The following ESF1 variants were observed in gnomAD, a reference collection of about 807,000 sequenced individuals.
ESF1 encodes the protein ESF1 homolog.
ESF1 carries 58 observed loss-of-function variants against 92.0 expected under a neutral mutation model. The observed-to-expected ratio is 0.63, with a 90% CI of 0.51 to 0.78. ESF1 has a LOEUF of 0.78. Among genes scored for constraint, ESF1 ranks in the 30% least tolerant of loss-of-function variants. The pLI is 0.00. For synonymous variants in ESF1, 321 were observed against 313.7 expected, an observed-to-expected ratio of 1.02 and a Z score of -0.24; for missense variants, 922 against 989.1, an observed-to-expected ratio of 0.93 and a Z score of 0.91.
chr20:13,731,355 C>A (rs2049941234), intron 10 of ESF1, among the ~76,000 whole-genome samples: 1 of 151,766 alleles, frequency 6.6e-6, no homozygotes. Context: ...CATGGTGAAA[C>A]CCCGCCTCTA....
At chr20:13,728,924 T>G (rs1268517649) in intron 10 of ESF1, among the ~76,000 whole-genome samples, 2 of 152,004 alleles carry the variant, frequency 1.3e-5, no homozygotes, top group African/African-American at 4.8e-5. Flanking sequence ...TGGACCAGTT[T>G]ATAAAACAAC....
intron 8 of ESF1, among the ~76,000 whole-genome samples, chr20:13,760,587 C>T (rs928364830): frequency 6.8e-6 from 1 of 147,196 alleles, no homozygotes; most frequent in Non-Finnish European, 1.5e-5. Flanking sequence ...AGTGAGGAGC[C>T]CCTCCGCCCG....
intron 9 of ESF1, among the ~76,000 whole-genome samples, chr20:13,751,567 G>C (rs6042346): frequency 0.98 from 148,660 of 152,278 alleles, 72,646 homozygotes; most frequent in East Asian, 1. Flanking sequence ...ATCCTGTGCA[G>C]GGATGTGGGG....
chr20:13,759,324 A>C (rs1270504023), intron 9 of ESF1, among the ~76,000 whole-genome samples: 1 of 152,246 alleles, frequency 6.6e-6, no homozygotes, highest in African/African-American at 2.4e-5. Flanking sequence ...GTGAAACCTC[A>C]TGAATTAAGG....
intron 9 of ESF1, among the ~76,000 whole-genome samples, chr20:13,756,184 T>C (rs1978884987): frequency 2.0e-5 from 3 of 152,320 alleles, no homozygotes; most frequent in African/African-American, 7.2e-5. Context: ...AGTTCCAATT[T>C]CCATATGAAT....
rs1369904891 is a variant in ESF1 at position 13,782,579 on chromosome 20, A to G, written c.562T>C (p.Leu188=). 6.3e-7 allele frequency: 1 copy of G among 1,590,912 alleles called. No individual in the cohort carries two copies. The highest frequency in any genetic ancestry group is 8.5e-7 in the Non-Finnish European group (1 of 1,174,446). Residue 188 remains leucine (L), a synonymous_variant, in exon 2 of 14, where the codon TTA becomes CTA. Transcript: ENST00000617257. ...DSSLEEKQRT[L]DSGTSEIVKS... is the part of the protein sequence containing the mutation. ...ACAATTTCAGAGGTGCCTGAGTCTA[A>G]TGTCCTTTGTTTTTCTTCGAGAGAA...
intron 2 of ESF1, among the ~76,000 whole-genome samples, chr20:13,780,550 C>T (rs1980134718): frequency 6.6e-6 from 1 of 152,220 alleles, no homozygotes; most frequent in Non-Finnish European, 1.5e-5. Flanking sequence ...ATCCAGAATT[C>T]ACTCCACTGC....
chr20:13,721,126 A>T (rs1568708130), intron 11 of ESF1, among the ~76,000 whole-genome samples: 1 of 151,538 alleles, frequency 6.6e-6, no homozygotes, highest in Non-Finnish European at 1.5e-5. Context: ...CTGTCTCGAT[A>T]AAAAAAAAGA....
At chr20:13,718,152 C>A (rs576735200) in intron 12 of ESF1, among the ~76,000 whole-genome samples, 3 of 152,170 alleles carry the variant, frequency 2.0e-5, no homozygotes, top group Non-Finnish European at 4.4e-5. Flanking sequence ...AGTATGCTCT[C>A]GACCTTTGTG....
intron 9 of ESF1, among the ~76,000 whole-genome samples, chr20:13,752,488 CA>C (rs1978684108): frequency 1.3e-5 from 2 of 151,588 alleles, no homozygotes; most frequent in South Asian, 2.1e-4. Flanking sequence ...AAGTTCTGGC[CA>C]AAAAAAATTT....
At chr20:13,744,153 T>C (rs2050033221) in intron 9 of ESF1, among the ~76,000 whole-genome samples, 1 of 152,212 alleles carries the variant, frequency 6.6e-6, no homozygotes, top group South Asian at 2.1e-4. Context: ...CTATAGATTA[T>C]GATTACTCCA....
intron 2 of ESF1, 123 bp from the exon 3 acceptor site, chr20:13,776,393 T>C (rs1467507218): frequency 7.7e-6 from 7 of 912,422 alleles, no homozygotes; most frequent in Non-Finnish European, 1.1e-5. Flanking sequence ...TAAAGACAAA[T>C]ATATATTCAG....
At position 13,718,898 on chromosome 20, in the gene ESF1, C is replaced by T. The variant is rs372993905; in HGVS notation, c.2115+10G>A. 125 of 1,585,582 alleles carry T rather than the reference C, an allele frequency of 7.9e-5. No individual in the cohort carries two copies. The highest frequency in any genetic ancestry group is 9.9e-5 in the Non-Finnish European group (115 of 1,164,302). On this transcript the variant is annotated intron_variant, in intron 12 of 13. Transcript: ENST00000617257. ...TATCCACTAAGCATGTAACAATAAT[C>T]GTATTTTACCTTTTGTCTTTCTATT...
At chr20:13,752,527 C>T (rs1978686726) in intron 9 of ESF1, among the ~76,000 whole-genome samples, 1 of 152,204 alleles carries the variant, frequency 6.6e-6, no homozygotes, top group South Asian at 2.1e-4. Flanking sequence ...ATAATGAGCA[C>T]ATTGGCAATA....
At chr20:13,737,757 G>A (rs1451813741) in intron 9 of ESF1, among the ~76,000 whole-genome samples, 1 of 152,088 alleles carries the variant, frequency 6.6e-6, no homozygotes, top group Non-Finnish European at 1.5e-5. Flanking sequence ...AGATGCAAGC[G>A]ATTTTCCTGC....
rs1192414573 is a variant in ESF1, at chr20:13,714,904, A to T, written c.2526T>A (p.Phe842Leu). 1 of 1,608,522 alleles carries T rather than the reference A, an allele frequency of 6.2e-7. No individual in the cohort carries two copies. The change falls in exon 14 of 14, where the codon TTT becomes TTA. Residue 842 changes from phenylalanine to leucine, a missense_variant. Transcript: ENST00000617257. ...TGACTTTTTGCTTTTTTCTTGCTTGAAACTGCTCTGTTTTGGTTTTTATAG... is the reference window on the plus strand; with the variant it reads ...TGACTTTTTGCTTTTTTCTTGCTTGTAACTGCTCTGTTTTGGTTTTTATAG... Reference protein sequence around the residue: ...IKSIKTKTEQFQARKKQKVK With the variant: ...IKSIKTKTEQLQARKKQKVK
chr20:13,757,395 G>A (rs1158829035), intron 9 of ESF1, among the ~76,000 whole-genome samples: 1 of 151,978 alleles, frequency 6.6e-6, no homozygotes, highest in Non-Finnish European at 1.5e-5. Flanking sequence ...ACATTACTAT[G>A]TTTTGTTTGT....
At chr20:13,783,634 A>G (rs559435645) in intron 1 of ESF1, among the ~76,000 whole-genome samples, 80 of 152,326 alleles carry the variant, frequency 5.3e-4, no homozygotes, top group East Asian at 1.9e-3. Context: ...CAGCCTGGGT[A>G]ACATGGTGAA....
chr20:13,767,019 A>T (rs181960979), intron 7 of ESF1, 95 bp from the exon 8 acceptor site: 1 of 1,211,180 alleles, frequency 8.3e-7, no homozygotes, highest in Admixed American at 2.2e-5. Flanking sequence ...GATGTTTAAC[A>T]GTAAGTTAAA....
Sources: allele counts gnomAD v4.1 joint callset (sites outside exome capture counted in the v4.1 genomes callset), GRCh38; gene constraint gnomAD v4.1.1; transcripts MANE v1.5; gene names NCBI Gene and HGNC (gene_info 2026-07-23, HGNC 2026-07-21).